MOK: variants seen among roughly 807,000 people sequenced by gnomAD.
The protein encoded by MOK is MAPK/MAK/MRK overlapping kinase.
In MOK, 59 loss-of-function variants were observed where a neutral mutation model predicts 54.2. That is an observed-to-expected ratio of 1.09 (90% CI 0.88 to 1.35). The LOEUF is 1.35. Ranked by LOEUF, MOK falls within the 40% of genes most tolerant of loss-of-function variation. The probability of loss-of-function intolerance (pLI) is 0.00; values close to 1 mark genes in which losing one functional copy is unlikely to be tolerated. For missense variants in MOK, 517 were observed against 526.2 expected, an observed-to-expected ratio of 0.98 and a Z score of 0.17; for synonymous variants, 210 against 202.7, an observed-to-expected ratio of 1.04 and a Z score of -0.31.
chr14:102,271,332 C>T (rs146782003), intron 2 of MOK, among the ~76,000 whole-genome samples: 3 of 152,248 alleles, frequency 2.0e-5, no homozygotes, highest in East Asian at 3.9e-4. Flanking sequence ...TCCACCACTT[C>T]GTCGTGATCC....
intron 1 of MOK, among the ~76,000 whole-genome samples, chr14:102,304,313 A>G (rs1375536528): frequency 2.0e-5 from 3 of 152,168 alleles, no homozygotes; most frequent in African/African-American, 7.2e-5. Context: ...TTGCACTTGG[A>G]TTGTCAATAA....
At chr14:102,229,406 CCTGGGCTGGG>C in intron 11 of MOK, 40 bp from the exon 12 acceptor site, 1 of 1,614,076 alleles carries the variant, frequency 6.2e-7, no homozygotes, top group African/African-American at 1.3e-5. Flanking sequence ...TCAGTGGCGG[CCTGGGCTGGG>C]TCGAAGAGCA....
At chr14:102,294,618 CAAAAAGAAAAA>C (rs2153188972) in intron 1 of MOK, among the ~76,000 whole-genome samples, 1 of 147,080 alleles carries the variant, frequency 6.8e-6, no homozygotes, top group Admixed American at 6.8e-5. Context: ...GACCTTGTCT[CAAAAAGAAAAA>C]AAAAAGAAAA....
intron 1 of MOK, among the ~76,000 whole-genome samples, chr14:102,284,054 A>G (rs1481844248): frequency 1.3e-5 from 2 of 151,896 alleles, no homozygotes; most frequent in African/African-American, 4.8e-5. Flanking sequence ...GCACTTCCTA[A>G]TTTTCTGAAA....
At chr14:102,216,343 C>T in the MOK span, among the ~76,000 whole-genome samples, 699 of 152,270 alleles carry the variant, frequency 4.6e-3, 6 homozygotes, top group African/African-American at 0.016. Flanking sequence ...GACAGGGTCT[C>T]GCTCTGTTGC....
At chr14:102,293,072 G>A (rs1323804579) in intron 1 of MOK, among the ~76,000 whole-genome samples, 1 of 152,204 alleles carries the variant, frequency 6.6e-6, no homozygotes, top group Non-Finnish European at 1.5e-5. Flanking sequence ...GGCGGAGGTT[G>A]CAGTGAGCGG....
intron 3 of MOK, chr14:102,264,770 C>T (rs982956049): frequency 2.6e-5 from 4 of 152,246 alleles, no homozygotes; most frequent in Non-Finnish European, 4.4e-5. Context: ...TTAAAATCTA[C>T]CAGACTTTAA....
rs571703299 is a variant in MOK at position 102,300,544 on chromosome 14, A to G, written c.7+4418T>C. On this transcript the variant is annotated intron_variant, in intron 1 of 11. Coordinates refer to ENST00000361847, the MANE Select transcript of MOK (RefSeq NM_014226.3). Reference sequence around the variant, plus strand: ...AGCCTGGGCAACAGACTCTATCTCAAACAAAAAAGAAAGTTCAGACAGGAA... The same window carrying G: ...AGCCTGGGCAACAGACTCTATCTCAGACAAAAAAGAAAGTTCAGACAGGAA... Among the ~76,000 whole-genome samples, 3 of 152,250 alleles carry G rather than the reference A, an allele frequency of 2.0e-5. No homozygotes were observed. The East Asian group carries it at 5.8e-4, about 30-fold the overall frequency.
downstream of MOK, among the ~76,000 whole-genome samples, chr14:102,228,485 TCGGGAG>T (rs1331012743): frequency 1.1e-4 from 16 of 151,886 alleles, no homozygotes; most frequent in African/African-American, 3.9e-4. Context: ...TCACCTGAAG[TCGGGAG>T]TTTTGAGACC....
intron 6 of MOK, among the ~76,000 whole-genome samples, chr14:102,251,254 C>T (rs952886526): frequency 2.0e-5 from 3 of 152,184 alleles, no homozygotes; most frequent in South Asian, 2.1e-4. Context: ...CTGGTTAACC[C>T]ATTGGCGCTT....
downstream of MOK, among the ~76,000 whole-genome samples, chr14:102,221,258 C>T (rs934010369): frequency 1.3e-5 from 2 of 152,234 alleles, no homozygotes; most frequent in Non-Finnish European, 2.9e-5. The surrounding 1 kb of genome is among the most constrained non-coding windows in gnomAD (Gnocchi z 4.8). Context: ...CTTTCTCCCT[C>T]TGCCAGGAGT....
intron 3 of MOK, chr14:102,264,355 G>C (rs1378347653): frequency 6.6e-6 from 1 of 152,262 alleles, no homozygotes; most frequent in Non-Finnish European, 1.5e-5. Flanking sequence ...CCAGTCAGGG[G>C]AAAAAGAGAA....
At position 102,249,539 on chromosome 14, in the gene MOK, G is replaced by A. The variant is rs1270037272; in HGVS notation, c.590+1273C>T. On this transcript the variant is annotated intron_variant, in intron 7 of 11. Transcript: ENST00000361847. This position sits in a 1 kb window ranked among gnomAD's most constrained non-coding sequence, Gnocchi z 5.3. ...AGCCTGACCAACATGGAGAAACCCC[G>A]TCTCTACTAAAAATACAAAATTAGC... is the stretch of plus-strand genomic sequence containing the variant. Among the ~76,000 whole-genome samples the A allele has an allele frequency of 1.3e-5, 2 of 152,076 alleles. No homozygotes were observed. Among genetic ancestry groups the A allele is most frequent in the African/African-American group, 2.4e-5 (1 of 41,410 alleles).
chr14:102,263,552 T>C lies in MOK; in HGVS notation c.277A>G (p.Ile93Val). The C allele has an allele frequency of 1.2e-6, 2 of 1,600,532 alleles. No homozygotes were observed. The highest frequency in any genetic ancestry group is 8.5e-7 in the Non-Finnish European group (1 of 1,171,810). Residue 93 changes from isoleucine to valine, a missense_variant, in exon 4 of 12, where the codon ATA becomes GTA. Coordinates refer to ENST00000361847, the MANE Select transcript of MOK (RefSeq NM_014226.3). ...TTCAAATTATTCTACGTACCTCGTA[T>C]TAGCTCATAAATATTCATGTCCATA... ...ELMDMNIYEL[I>V]RGRRYPLSEK...
At position 102,303,885 on chromosome 14, in the gene MOK, T is replaced by G. The variant is rs1398072203; in HGVS notation, c.7+1077A>C. Among the ~76,000 whole-genome samples, 3 of 152,352 alleles carry G rather than the reference T, an allele frequency of 2.0e-5. No homozygotes were observed. The East Asian group carries it at 5.8e-4, about 29-fold the overall frequency. On this transcript the variant is annotated intron_variant, in intron 1 of 11. Transcript: ENST00000361847. ...ATTCAATGTACTGCTCTTGCAACTT[T>G]CCTGTACATCTGAAAATTTTCAAAA...
At chr14:102,220,581 G>A (rs1303670182), downstream of MOK, among the ~76,000 whole-genome samples, 2 of 152,036 alleles carry the variant, frequency 1.3e-5, no homozygotes, top group African/African-American at 2.4e-5. This position sits in a 1 kb window ranked among gnomAD's most constrained non-coding sequence, Gnocchi z 4.2. Context: ...TTAGCTGGGC[G>A]TGGTGGCAGG....
At chr14:102,290,056 G>A (rs527517833) in intron 1 of MOK, among the ~76,000 whole-genome samples, 6 of 150,332 alleles carry the variant, frequency 4.0e-5, no homozygotes, top group South Asian at 2.1e-4. Context: ...TTCCTTGTTC[G>A]AAATGAAAAC....
chr14:102,300,830 C>T (rs777154963), intron 1 of MOK, among the ~76,000 whole-genome samples: 20 of 152,168 alleles, frequency 1.3e-4, no homozygotes, highest in Non-Finnish European at 2.9e-4. Flanking sequence ...GGCACACTGG[C>T]TCACACCTGT....
intron 1 of MOK, among the ~76,000 whole-genome samples, chr14:102,297,925 G>C (rs528945732): frequency 6.6e-6 from 1 of 152,178 alleles, no homozygotes; most frequent in Non-Finnish European, 1.5e-5. Flanking sequence ...TGCTACCCAC[G>C]AGGCAGGGCT....
Sources: gnomAD v4.1 joint callset for allele counts (sites outside exome capture counted in the v4.1 genomes callset) on GRCh38, gnomAD v4.1.1 for gene constraint, Gnocchi (gnomAD v3.1) non-coding constraint, MANE v1.5 for transcripts, NCBI Gene and HGNC (gene_info 2026-07-23, HGNC 2026-07-21) for gene names.